The following NTM variants were observed in gnomAD, a reference collection of about 807,000 sequenced individuals.
The protein encoded by NTM is neurotrimin.
In NTM, 13 loss-of-function variants were observed where a neutral mutation model predicts 42.1. The observed-to-expected ratio is 0.31, with a 90% confidence interval of 0.20 to 0.49. The LOEUF (loss-of-function observed/expected upper bound fraction) is 0.49, where lower values mean the gene tolerates loss of function less well. NTM is among the 20% of genes least tolerant of loss of function. NTM has a pLI of 0.99. For synonymous variants in NTM, 187 were observed against 179.2 expected, an observed-to-expected ratio of 1.04 and a Z score of -0.35; for missense variants, 373 against 452.8, an observed-to-expected ratio of 0.82 and a Z score of 1.60.
chr11:132,033,086 A>T (rs1450515482), intron 2 of NTM, among the ~76,000 whole-genome samples: 1 of 152,176 alleles, frequency 6.6e-6, no homozygotes, highest in African/African-American at 2.4e-5. Context: ...TGGGATTCAT[A>T]GTAATGTTGA....
intron 1 of NTM, among the ~76,000 whole-genome samples, chr11:131,692,742 G>A (rs1461700200): frequency 7.2e-5 from 11 of 152,164 alleles, no homozygotes. Flanking sequence ...AAGAACCCAA[G>A]AAACCAAATC....
intron 4 of NTM, among the ~76,000 whole-genome samples, chr11:132,221,723 C>T (rs139412743): frequency 6.6e-6 from 1 of 152,274 alleles, no homozygotes; most frequent in East Asian, 1.9e-4. Context: ...CAGCAATCTT[C>T]TTCATCAGCA....
At chr11:131,682,653 G>C (rs1165386396) in intron 1 of NTM, among the ~76,000 whole-genome samples, 3 of 152,248 alleles carry the variant, frequency 2.0e-5, no homozygotes, top group Non-Finnish European at 2.9e-5. Flanking sequence ...GACACGGAGA[G>C]CGGGTCCTTC....
chr11:131,565,089 C>T (rs2056727765), intron 1 of NTM, among the ~76,000 whole-genome samples: 1 of 152,228 alleles, frequency 6.6e-6, no homozygotes, highest in Non-Finnish European at 1.5e-5. Flanking sequence ...AAGAACAGCA[C>T]TTCTGAGGGA....
chr11:132,320,608 C>G (rs1260894937), intron 7 of NTM, among the ~76,000 whole-genome samples: 2 of 152,174 alleles, frequency 1.3e-5, no homozygotes, highest in African/African-American at 4.8e-5. Flanking sequence ...GAGGGGTGCC[C>G]GCCATTGCCC....
intron 3 of NTM, among the ~76,000 whole-genome samples, chr11:132,171,117 T>G (rs1385833991): frequency 6.6e-6 from 1 of 152,200 alleles, no homozygotes; most frequent in Non-Finnish European, 1.5e-5. Context: ...TCTTCATCTT[T>G]CCTTGTCTGA....
At chr11:131,454,375 G>C (rs1950712987) in intron 1 of NTM, among the ~76,000 whole-genome samples, 2 of 152,154 alleles carry the variant, frequency 1.3e-5, no homozygotes, top group African/African-American at 2.4e-5. Flanking sequence ...AGTAAGGGGG[G>C]ACTACTGTAT....
intron 2 of NTM, among the ~76,000 whole-genome samples, chr11:131,960,285 T>A (rs1215827985): frequency 6.6e-6 from 1 of 152,200 alleles, no homozygotes; most frequent in Non-Finnish European, 1.5e-5. Flanking sequence ...GAATCACAAC[T>A]TGACATTGCC....
chr11:132,178,334 T>C (rs944348761), intron 3 of NTM, among the ~76,000 whole-genome samples: 2 of 152,224 alleles, frequency 1.3e-5, no homozygotes, highest in African/African-American at 4.8e-5. Context: ...CAAGGCTTCC[T>C]TTTTACTCAA....
At chr11:132,247,950 T>C (rs1407748181) in intron 4 of NTM, among the ~76,000 whole-genome samples, 1 of 152,132 alleles carries the variant, frequency 6.6e-6, no homozygotes, top group Non-Finnish European at 1.5e-5. Flanking sequence ...CTTAAATCCT[T>C]GGATTTTCCA....
chr11:132,021,950 G>A (rs1593811608), intron 2 of NTM, among the ~76,000 whole-genome samples: 3 of 152,350 alleles, frequency 2.0e-5, no homozygotes, highest in Admixed American at 2.0e-4. Flanking sequence ...GCTATGGTGT[G>A]TTTGCATGCA....
chr11:131,407,690 G>A (rs1422297615), intron 1 of NTM, among the ~76,000 whole-genome samples: 1 of 152,234 alleles, frequency 6.6e-6, no homozygotes, highest in Admixed American at 6.5e-5. Flanking sequence ...TGGGTATAAA[G>A]GGGAAGGAGT....
In NTM at chr11:132,003,423, T is replaced by C. The variant is rs2069861231; in HGVS notation, c.167+91775T>C. Among the ~76,000 whole-genome samples, 1 of 152,024 alleles carries C rather than the reference T, an allele frequency of 6.6e-6. No homozygotes were observed. The highest frequency in any genetic ancestry group is 1.5e-5 in the Non-Finnish European group (1 of 68,020). ...ACTATGTCTGGCTAATTTTTAAATT[T>C]TATGTAGAGACAGACTGTCCTTATA... On this transcript the variant is annotated intron_variant, in intron 2 of 8. Coordinates refer to ENST00000683400, the MANE Select transcript of NTM (RefSeq NM_001352005.2). This position sits in a 1 kb window ranked among gnomAD's most constrained non-coding sequence, Gnocchi z 6.0.
intron 2 of NTM, among the ~76,000 whole-genome samples, chr11:132,024,678 C>G (rs1042266815): frequency 6.6e-6 from 1 of 152,202 alleles, no homozygotes; most frequent in Middle Eastern, 3.2e-3. Flanking sequence ...TGCGCAGATA[C>G]AGTCTGGCTG....
intron 1 of NTM, chr11:131,777,023 G>T: frequency 5.2e-6 from 3 of 571,960 alleles, no homozygotes; most frequent in Non-Finnish European, 6.6e-6. Context: ...ACTACAAAAG[G>T]TTGAATCATG....
At chr11:132,097,362 G>A (rs1291243627) in intron 2 of NTM, among the ~76,000 whole-genome samples, 1 of 152,170 alleles carries the variant, frequency 6.6e-6, no homozygotes, top group Non-Finnish European at 1.5e-5. Flanking sequence ...CTTGGCTGTT[G>A]GTGCCACGTC....
At chr11:132,101,501 T>G (rs2061608886) in intron 2 of NTM, among the ~76,000 whole-genome samples, 1 of 152,024 alleles carries the variant, frequency 6.6e-6, no homozygotes, top group Non-Finnish European at 1.5e-5. Context: ...GAATACCCCT[T>G]CTGTAATGTT....
chr11:132,313,023 C>T (rs1179833754), intron 6 of NTM, among the ~76,000 whole-genome samples: 1 of 152,144 alleles, frequency 6.6e-6, no homozygotes, highest in Non-Finnish European at 1.5e-5. Context: ...TCTGACTTCC[C>T]TGGAGGCAGA....
At chr11:131,378,407 C>T (rs944557254) in intron 1 of NTM, among the ~76,000 whole-genome samples, 2 of 152,208 alleles carry the variant, frequency 1.3e-5, no homozygotes, top group African/African-American at 2.4e-5. Flanking sequence ...AGAAAATACT[C>T]AGCACCAGCC....
Sources: allele counts gnomAD v4.1 joint callset (sites outside exome capture counted in the v4.1 genomes callset), GRCh38; gene constraint gnomAD v4.1.1; non-coding constraint Gnocchi (gnomAD v3.1); transcripts MANE v1.5; gene names NCBI Gene and HGNC (gene_info 2026-07-23, HGNC 2026-07-21).